The following TLK2 variants were observed in gnomAD, a reference collection of about 807,000 sequenced individuals.
TLK2 encodes tousled like kinase 2, also known as serine/threonine-protein kinase tousled-like 2.
TLK2 carries 6 observed loss-of-function variants against 117.3 expected under a neutral mutation model. The ratio of observed to expected loss-of-function variants is 0.05; its 90% CI spans 0.03 to 0.10. The LOEUF (loss-of-function observed/expected upper bound fraction) is 0.10. Among genes scored for constraint, TLK2 ranks in the 10% least tolerant of loss-of-function variants. The pLI, the probability that TLK2 is intolerant of heterozygous loss-of-function variation, is 1.00. For missense variants in TLK2, 299 were observed against 901.2 expected (o/e 0.33, Z 8.56); for synonymous variants, 257 against 316.7 (o/e 0.81, Z 2.00).
intron 2 of TLK2, among the ~76,000 whole-genome samples, chr17:62,483,959 G>A (rs959324513): frequency 2.6e-5 from 4 of 152,016 alleles, no homozygotes; most frequent in African/African-American, 9.7e-5. Context: ...CTGAGTAGCT[G>A]GGACTATAGG....
intron 6 of TLK2, among the ~76,000 whole-genome samples, chr17:62,527,518 A>G (rs1015988953): frequency 2.6e-5 from 4 of 151,742 alleles, no homozygotes; most frequent in Non-Finnish European, 5.9e-5. Flanking sequence ...CCTGACCTCT[A>G]ACAACATAGA....
chr17:62,548,069 G>A (rs936134153), intron 7 of TLK2, among the ~76,000 whole-genome samples: 3 of 152,054 alleles, frequency 2.0e-5, no homozygotes, highest in Non-Finnish European at 4.4e-5. Context: ...CCCTTCTAGT[G>A]TATTGGAGCA....
chr17:62,523,258 A>G lies in TLK2; in HGVS notation c.267+81A>G, dbSNP rs1041007424. On this transcript the variant is annotated intron_variant, in intron 5 of 21. Coordinates refer to ENST00000346027, the MANE Select transcript of TLK2 (RefSeq NM_006852.6). ...AGTGATTTTTTTTAAAAAACCCTAA[A>G]TCCTTGTGTTCATTTGAGGCTTTAG... 7 of 1,531,096 alleles carry G rather than the reference A, an allele frequency of 4.6e-6. No individual in the cohort carries two copies. The African/African-American group carries it at 9.9e-5, about 22-fold the overall frequency. 94.8% of individuals were successfully genotyped at this position (1,531,096 alleles called of 1,614,324 possible).
intron 9 of TLK2, among the ~76,000 whole-genome samples, chr17:62,556,216 A>G (rs993136889): frequency 1.3e-5 from 2 of 152,144 alleles, no homozygotes; most frequent in African/African-American, 2.4e-5. Flanking sequence ...CGCTCGGCCT[A>G]TATTATTATT....
chr17:62,473,885 T>C (rs142353015), upstream of TLK2, among the ~76,000 whole-genome samples: 868 of 152,092 alleles, frequency 5.7e-3, 7 homozygotes, highest in African/African-American at 0.02. Flanking sequence ...CTAGGGAGCA[T>C]AGCCTAGATT....
chr17:62,565,049 T>G lies in TLK2; in HGVS notation c.880T>G (p.Leu294Val). Residue 294 changes from leucine to valine, a missense_variant, in exon 11 of 22, where the codon TTG becomes GTG. Leu to Val is a conservative substitution (Grantham distance 32). Transcript: ENST00000346027. Reference protein sequence around the residue: ...ACRDKSMQDRLRLGHFTTVRH... With the variant: ...ACRDKSMQDRVRLGHFTTVRH... ...TAGAGATAAGAGCATGCAAGACCGCTTGAGACTGGGCCACTTTACTACTGT... is the reference window on the plus strand; with the variant it reads ...TAGAGATAAGAGCATGCAAGACCGCGTGAGACTGGGCCACTTTACTACTGT... 6.2e-7 allele frequency: 1 copy of G among 1,614,122 alleles called. No individual in the cohort carries two copies. Among genetic ancestry groups the G allele is most frequent in the South Asian group, 1.1e-5 (1 of 91,084 alleles).
chr17:62,512,028 A>G (rs2075184034), intron 2 of TLK2, among the ~76,000 whole-genome samples: 1 of 152,206 alleles, frequency 6.6e-6, no homozygotes, highest in Admixed American at 6.5e-5. Context: ...CTCACTAGCA[A>G]TATATGTAAG....
intron 19 of TLK2, among the ~76,000 whole-genome samples, chr17:62,603,136 C>T (rs181227566): frequency 6.6e-6 from 1 of 152,134 alleles, no homozygotes; most frequent in South Asian, 2.1e-4. Context: ...CTGAAAGGTC[C>T]TAGGCCTTAG....
intron 12 of TLK2, among the ~76,000 whole-genome samples, chr17:62,574,895 G>A (rs918733590): frequency 8.5e-5 from 13 of 152,160 alleles, no homozygotes; most frequent in African/African-American, 3.1e-4. Flanking sequence ...GAGAAGAGGG[G>A]AAGAGTATTG....
At position 62,612,451 on chromosome 17, in the gene TLK2, G is replaced by A. The variant is rs1395964617; in HGVS notation, c.2139G>A (p.Leu713=). The A allele has an allele frequency of 6.2e-7, 1 of 1,614,050 alleles. No individual in the cohort carries two copies. Among genetic ancestry groups the A allele is most frequent in the Non-Finnish European group, 8.5e-7 (1 of 1,180,030 alleles). ...AGGACCGCATTGATGTCCAGCAGCT[G>A]GCCTGTGATCCCTACTTGTTGCCTC... is the stretch of plus-strand genomic sequence containing the variant. ...RKEDRIDVQQ[L]ACDPYLLPHI... The change falls in exon 22 of 22, where the codon CTG becomes CTA. Residue 713 remains leucine (L), a synonymous_variant. Coordinates refer to ENST00000346027, the MANE Select transcript of TLK2 (RefSeq NM_006852.6).
chr17:62,493,580 C>T (rs1165348020), intron 2 of TLK2, among the ~76,000 whole-genome samples: 1 of 152,128 alleles, frequency 6.6e-6, no homozygotes, highest in Non-Finnish European at 1.5e-5. Context: ...TAATAAGGGA[C>T]AGCTAGAAAA....
intron 20 of TLK2, 150 bp from the exon 21 acceptor site, chr17:62,607,891 G>A (rs1284265341): frequency 1.6e-6 from 1 of 636,696 alleles, no homozygotes; most frequent in Non-Finnish European, 2.7e-6. Flanking sequence ...TATCTATAAA[G>A]TGAGAGAACT....
intron 2 of TLK2, chr17:62,508,481 G>A: frequency 2.0e-6 from 2 of 982,060 alleles, no homozygotes; most frequent in Non-Finnish European, 2.4e-6. Context: ...CAGAAGAATG[G>A]GAAATAATCA....
At chr17:62,474,486 T>A (rs1347887800), upstream of TLK2, among the ~76,000 whole-genome samples, 1 of 151,826 alleles carries the variant, frequency 6.6e-6, no homozygotes, top group Non-Finnish European at 1.5e-5. Context: ...CTCGGCTTAC[T>A]GCAAGCTCCA....
chr17:62,589,468 G>A (rs186448786), intron 16 of TLK2, among the ~76,000 whole-genome samples: 2 of 152,268 alleles, frequency 1.3e-5, no homozygotes, highest in Non-Finnish European at 2.9e-5. Flanking sequence ...GTAGTGCATG[G>A]ATCTCTTGGA....
intron 2 of TLK2, among the ~76,000 whole-genome samples, chr17:62,509,316 T>C (rs1371151420): frequency 2.0e-5 from 3 of 152,112 alleles, no homozygotes; most frequent in Non-Finnish European, 4.4e-5. Flanking sequence ...CTGGAACCCT[T>C]GGGGTCAAGT....
chr17:62,601,424 G>A (rs1020416891), intron 18 of TLK2, among the ~76,000 whole-genome samples: 9 of 152,186 alleles, frequency 5.9e-5, no homozygotes, highest in African/African-American at 2.2e-4. Flanking sequence ...ACCTTCTGGT[G>A]TTGCAAAATT....
intron 2 of TLK2, among the ~76,000 whole-genome samples, chr17:62,490,155 T>C (rs1304683690): frequency 2.0e-5 from 3 of 152,256 alleles, no homozygotes; most frequent in Non-Finnish European, 4.4e-5. Flanking sequence ...TCAGCCGTTA[T>C]CTTGTCATAT....
chr17:62,530,799 T>G (rs1327633357), intron 6 of TLK2, among the ~76,000 whole-genome samples: 3 of 152,226 alleles, frequency 2.0e-5, no homozygotes, highest in African/African-American at 7.2e-5. Flanking sequence ...TGCTAGAGAT[T>G]AACTCTCTAG....
Sources: gnomAD v4.1 joint callset for allele counts (sites outside exome capture counted in the v4.1 genomes callset) on GRCh38, gnomAD v4.1.1 for gene constraint, MANE v1.5 for transcripts, NCBI Gene and HGNC (gene_info 2026-07-23, HGNC 2026-07-21) for gene names.